TMED10: variants seen among roughly 807,000 people sequenced by gnomAD.
TMED10 encodes transmembrane emp24 domain-containing protein 10.
TMED10 carries 7 observed loss-of-function variants against 23.1 expected under a neutral mutation model. The ratio of observed to expected loss-of-function variants is 0.30; its 90% confidence interval spans 0.17 to 0.57. TMED10 has a LOEUF of 0.57. TMED10 is among the 20% of genes least tolerant of loss of function. The pLI is 0.91. For missense variants in TMED10, 162 were observed against 274.8 expected, an observed-to-expected ratio of 0.59 and a Z score of 2.90; for synonymous variants, 113 against 106.9, an observed-to-expected ratio of 1.06 and a Z score of -0.35.
At chr14:75,151,991 G>A (rs757883989) in intron 2 of TMED10, 41 bp downstream of exon 2, 1 of 1,526,318 alleles carries the variant, frequency 6.6e-7, no homozygotes, top group Non-Finnish European at 9.1e-7. Flanking sequence ...ATTAGAGTTG[G>A]AGAAGATTCT....
At chr14:75,153,203 A>C (rs187646508) in intron 1 of TMED10, among the ~76,000 whole-genome samples, 34 of 152,170 alleles carry the variant, frequency 2.2e-4, no homozygotes, top group African/African-American at 8.2e-4. Flanking sequence ...GGTGGTGCGC[A>C]CCTATAGTCC....
At chr14:75,140,090 A>C (rs1895803377) in intron 3 of TMED10, among the ~76,000 whole-genome samples, 1 of 152,210 alleles carries the variant, frequency 6.6e-6, no homozygotes, top group Non-Finnish European at 1.5e-5. Context: ...GAGGACCCTC[A>C]CCAGAACCTG....
chr14:75,153,133 G>T (rs543590717), intron 1 of TMED10, among the ~76,000 whole-genome samples: 13 of 150,998 alleles, frequency 8.6e-5, no homozygotes, highest in African/African-American at 2.9e-4. Flanking sequence ...AAAAAAAAGT[G>T]TTCAAGACCA....
intron 1 of TMED10, among the ~76,000 whole-genome samples, chr14:75,173,216 T>C (rs1423423326): frequency 6.6e-6 from 1 of 152,162 alleles, no homozygotes; most frequent in Non-Finnish European, 1.5e-5. Context: ...CGAAACTCCA[T>C]TTCTACAAAC....
chr14:75,176,545 C>T lies in TMED10; in HGVS notation c.35G>A (p.Gly12Asp). Residue 12 changes from glycine (G) to aspartate (D), a missense_variant, in exon 1 of 5, where the codon GGC becomes GAC. Physicochemically the swap from Gly to Asp is moderately conservative, Grantham distance 94 (BLOSUM62 -1). Around this residue, in one of 2 missense-constraint regions of TMED10, gnomAD observed 36 missense variants for 35.2 expected, o/e 1.02. Transcript: ENST00000303575. The part of the protein sequence containing the change: ...SGLSGPPARR[G>D]PFPLALLLLF... ...AAGCAGCAACGCTAACGGAAAAGGG[C>T]CGCGCCGGGCTGGTGGGCCAGACAA... 6.2e-7 allele frequency: 1 copy of T among 1,614,146 alleles called. No homozygotes were observed. The highest frequency in any genetic ancestry group is 8.5e-7 in the Non-Finnish European group (1 of 1,180,024).
intron 3 of TMED10, among the ~76,000 whole-genome samples, chr14:75,144,278 C>T (rs534886855): frequency 6.6e-6 from 1 of 152,242 alleles, no homozygotes; most frequent in Admixed American, 6.6e-5. Context: ...AGAAGTGGCT[C>T]GGTTCACATC....
intron 1 of TMED10, among the ~76,000 whole-genome samples, chr14:75,158,862 T>C (rs1487402622): frequency 6.6e-6 from 1 of 152,056 alleles, no homozygotes. Context: ...AGATGGAGGT[T>C]GTGGTGAGTC....
intron 1 of TMED10, among the ~76,000 whole-genome samples, chr14:75,168,541 A>G (rs190080979): frequency 1.3e-5 from 2 of 152,368 alleles, no homozygotes; most frequent in Admixed American, 1.3e-4. Flanking sequence ...GCCCTGCACA[A>G]TAAAAACCTC....
chr14:75,163,552 CAAAAAAAAAAAAAA>C (rs758185921), intron 1 of TMED10, among the ~76,000 whole-genome samples: 47 of 60,792 alleles, frequency 7.7e-4, no homozygotes, highest in African/African-American at 2.3e-3. Flanking sequence ...GACTCCGTAT[CAAAAAAAAAAAAAA>C]AAAAAAAAAA....
intron 1 of TMED10, among the ~76,000 whole-genome samples, chr14:75,160,821 C>T (rs528675494): frequency 1.3e-5 from 2 of 152,130 alleles, no homozygotes; most frequent in East Asian, 1.9e-4. Flanking sequence ...TAAGGTGGCA[C>T]GTCATTTGAG....
At chr14:75,141,372 C>T (rs1895820628) in intron 3 of TMED10, among the ~76,000 whole-genome samples, 1 of 152,060 alleles carries the variant, frequency 6.6e-6, no homozygotes, top group Non-Finnish European at 1.5e-5. Context: ...TGTGCATGTA[C>T]ACACATAACT....
In TMED10 at chr14:75,131,897, G is replaced by A. The variant is rs566925273; in HGVS notation, c.*2988C>T. ...CAACTCCTACAAAGCTTAAGTTTAGGGTCACACTTGGGAACAAAAGCATCA... is the reference window on the plus strand; with the variant it reads ...CAACTCCTACAAAGCTTAAGTTTAGAGTCACACTTGGGAACAAAAGCATCA... On this transcript the variant is annotated 3_prime_UTR_variant, in exon 5 of 5. Coordinates refer to ENST00000303575, the MANE Select transcript of TMED10 (RefSeq NM_006827.6). 51 of 152,372 alleles carry A rather than the reference G, an allele frequency of 3.3e-4. No homozygotes were observed. The highest frequency in any genetic ancestry group is 1.2e-3 in the African/African-American group (50 of 41,532). 9.4% of individuals were successfully genotyped at this position (152,372 alleles called of 1,614,324 possible).
chr14:75,138,397 A>T (rs905853310), intron 3 of TMED10, among the ~76,000 whole-genome samples: 3 of 152,254 alleles, frequency 2.0e-5, no homozygotes, highest in Non-Finnish European at 2.9e-5. Flanking sequence ...TGGTAACTGC[A>T]GAACAGCTTC....
chr14:75,164,554 TATATATATATATATATATATA>T (rs1189007100), intron 1 of TMED10, among the ~76,000 whole-genome samples: 2 of 2,204 alleles, frequency 9.1e-4, no homozygotes, highest in Admixed American at 4.5e-3. Flanking sequence ...TATATATATA[TATATATATATATATATATATA>T]TATTTTTTTT....
chr14:75,164,836 A>AG (rs1896141450), intron 1 of TMED10, among the ~76,000 whole-genome samples: 1 of 150,708 alleles, frequency 6.6e-6, no homozygotes, highest in South Asian at 2.1e-4. Flanking sequence ...GCATGGAAAC[A>AG]GAGAGAAAGG....
In TMED10 at chr14:75,133,006, C is replaced by T. The variant is rs1895706171; in HGVS notation, c.*1879G>A. 1 of 152,178 alleles carries T rather than the reference C, an allele frequency of 6.6e-6. No individual in the cohort carries two copies. The highest frequency in any genetic ancestry group is 1.5e-5 in the Non-Finnish European group (1 of 68,032). 9.4% of individuals were successfully genotyped at this position (152,178 alleles called of 1,614,324 possible). On this transcript the variant is annotated 3_prime_UTR_variant, in exon 5 of 5. Transcript: ENST00000303575. Reference sequence around the variant, plus strand: ...TCTCTTATTTACATTAGTTTTGGCCCTTAGGCAACTCATACTCCTACAGTG... The same window carrying T: ...TCTCTTATTTACATTAGTTTTGGCCTTTAGGCAACTCATACTCCTACAGTG...
chr14:75,139,610 TG>T (rs145288922), intron 3 of TMED10, among the ~76,000 whole-genome samples: 1,596 of 139,898 alleles, frequency 0.011, 13 homozygotes, highest in Non-Finnish European at 0.016. Flanking sequence ...TACTCCATCC[TG>T]GGAGACAAAC....
intron 1 of TMED10, among the ~76,000 whole-genome samples, chr14:75,159,385 A>G (rs1022717416): frequency 6.6e-6 from 1 of 152,258 alleles, no homozygotes; most frequent in African/African-American, 2.4e-5. Flanking sequence ...TGGAATAAGC[A>G]TCAAGGTGAA....
At chr14:75,146,011 CTTAT>C (rs1895879295) in intron 3 of TMED10, among the ~76,000 whole-genome samples, 1 of 152,066 alleles carries the variant, frequency 6.6e-6, no homozygotes, top group Admixed American at 6.5e-5. Flanking sequence ...TTAACATAAT[CTTAT>C]TTAAATATAA....
Sources: gnomAD v4.1 joint callset for allele counts (sites outside exome capture counted in the v4.1 genomes callset) on GRCh38, gnomAD v4.1.1 for gene constraint, gnomAD v4.1.1 regional missense constraint, MANE v1.5 for transcripts, NCBI Gene and HGNC (gene_info 2026-07-23, HGNC 2026-07-21) for gene names.